The following PAQR3 variants were observed in gnomAD, a reference collection of about 807,000 sequenced individuals.
PAQR3 encodes the protein progestin and adipoQ receptor family member 3.
In PAQR3, 39 loss-of-function variants were observed where a neutral mutation model predicts 41.7. The observed-to-expected ratio is 0.93, with a 90% CI of 0.72 to 1.22. PAQR3 has a LOEUF of 1.22. Ranked by LOEUF, PAQR3 falls within the 50% of genes most tolerant of loss-of-function variation. The pLI is 0.00. For missense variants in PAQR3, 366 were observed against 385.6 expected (o/e 0.95, Z 0.42); for synonymous variants, 140 against 140.6 (o/e 1.00, Z 0.03).
intron 1 of PAQR3, among the ~76,000 whole-genome samples, chr4:78,937,900 T>C (rs1452268892): frequency 1.3e-5 from 2 of 152,200 alleles, no homozygotes; most frequent in Non-Finnish European, 2.9e-5. Context: ...GAACTCCAGA[T>C]CCACAGCAGA....
chr4:78,899,444 A>G (rs1460582477), intron 11 of PAQR3, among the ~76,000 whole-genome samples: 1 of 152,140 alleles, frequency 6.6e-6, no homozygotes, highest in Admixed American at 6.6e-5. Context: ...TTTAGACACA[A>G]AAGAAGACAT....
Position 78,913,195 on chromosome 4 carries a change from A to G in PAQR3, c.*7344T>C, listed in dbSNP as rs572127541. 6.6e-6 allele frequency: 1 copy of G among 152,172 alleles called. No homozygotes were observed. The highest frequency in any genetic ancestry group is 1.5e-5 in the Non-Finnish European group (1 of 68,016). 9.4% of individuals were successfully genotyped at this position (152,172 alleles called of 1,614,324 possible). ...AATGGTGACACCCACAAAGCCTTAT[A>G]TAAAGGCAGGATTCATGCATCCTGC... is the stretch of plus-strand genomic sequence containing the variant. On this transcript the variant is annotated 3_prime_UTR_variant, in exon 6 of 6. Coordinates refer to ENST00000512733, the MANE Select transcript of PAQR3 (RefSeq NM_001040202.2).
intron 11 of PAQR3, among the ~76,000 whole-genome samples, chr4:78,889,446 AATATT>A (rs1283679446): frequency 6.6e-6 from 1 of 152,196 alleles, no homozygotes; most frequent in Admixed American, 6.5e-5. Flanking sequence ...TCAGATCTAA[AATATT>A]AAGTTAAAAA....
chr4:78,890,798 T>C (rs1317962880), intron 11 of PAQR3, among the ~76,000 whole-genome samples: 3 of 152,188 alleles, frequency 2.0e-5, no homozygotes, highest in African/African-American at 7.2e-5. Context: ...CACCAATCTT[T>C]ATGGAAATTC....
At chr4:78,892,071 C>A (rs866001211) in intron 11 of PAQR3, among the ~76,000 whole-genome samples, 3 of 152,114 alleles carry the variant, frequency 2.0e-5, no homozygotes, top group African/African-American at 7.2e-5. Context: ...TCCTTGTAAT[C>A]TGTCAGGCTT....
chr4:78,896,087 T>A (rs1298177662), intron 11 of PAQR3, among the ~76,000 whole-genome samples: 1 of 152,166 alleles, frequency 6.6e-6, no homozygotes, highest in African/African-American at 2.4e-5. Flanking sequence ...AATTGAAACA[T>A]AGGGTGCTTT....
intron 5 of PAQR3, chr4:78,922,267 T>C (rs895103435): frequency 1.1e-5 from 14 of 1,248,814 alleles, no homozygotes; most frequent in Middle Eastern, 2.2e-4. Flanking sequence ...TTTCCATTCT[T>C]ATTTAAAGCT....
At chr4:78,908,853 C>A (rs1734419186), downstream of PAQR3, among the ~76,000 whole-genome samples, 1 of 152,040 alleles carries the variant, frequency 6.6e-6, no homozygotes. Context: ...ATAATCACAT[C>A]AGGGTAAATG....
intron 11 of PAQR3, among the ~76,000 whole-genome samples, chr4:78,894,572 G>T (rs1021308240): frequency 1.3e-5 from 2 of 152,184 alleles, no homozygotes; most frequent in Non-Finnish European, 1.5e-5. Flanking sequence ...TAAGGCTTTG[G>T]CTTACGGGAA....
chr4:78,887,864 G>A (rs548252954), intron 12 of PAQR3, among the ~76,000 whole-genome samples: 2 of 152,098 alleles, frequency 1.3e-5, no homozygotes, highest in African/African-American at 2.4e-5. Flanking sequence ...GGTTATAGTG[G>A]AAAAAAAGAG....
chr4:78,928,505 A>C (rs1246932593), intron 3 of PAQR3, among the ~76,000 whole-genome samples: 4 of 152,246 alleles, frequency 2.6e-5, no homozygotes, highest in Non-Finnish European at 5.9e-5. Context: ...TCTCTTCACT[A>C]ATTTTCATAC....
intron 12 of PAQR3, chr4:78,887,354 A>G (rs1262272918): frequency 9.0e-7 from 1 of 1,113,930 alleles, no homozygotes; most frequent in Non-Finnish European, 1.3e-6. Flanking sequence ...AATCTTATAA[A>G]GTGGAAGTAA....
intron 11 of PAQR3, among the ~76,000 whole-genome samples, chr4:78,895,468 G>T (rs2110085762): frequency 6.6e-6 from 1 of 152,170 alleles, no homozygotes; most frequent in East Asian, 1.9e-4. Flanking sequence ...ATCCCAGAGG[G>T]TTTAGGATAA....
chr4:78,910,093 G>A (rs1203121933), downstream of PAQR3, among the ~76,000 whole-genome samples: 1 of 152,140 alleles, frequency 6.6e-6, no homozygotes, highest in African/African-American at 2.4e-5. Context: ...TTCATGCTAA[G>A]TCAATTCAAA....
Position 78,922,259 on chromosome 4 carries a change from TC to T in PAQR3, c.794-1579del, listed in dbSNP as rs941432055. The T allele has an allele frequency of 4.8e-6, 6 of 1,238,334 alleles. No homozygotes were observed. In the African/African-American group the frequency reaches 9.4e-5, roughly 19 times the overall value. 76.7% of individuals were successfully genotyped at this position (1,238,334 alleles called of 1,614,324 possible). A position where few individuals can be genotyped will look rare whatever the true frequency, so the allele number is the denominator to read the frequency against. ...TACAACGCAGGTTTTCCCTTGTATT[TC>T]CATTCTTATTTAAAGCTCAGTGGTG... is the stretch of plus-strand genomic sequence containing the variant. On this transcript the variant is annotated intron_variant, in intron 5 of 5. Transcript: ENST00000512733.
intron 11 of PAQR3, among the ~76,000 whole-genome samples, chr4:78,902,566 A>G (rs546793672): frequency 6.6e-6 from 1 of 152,258 alleles, no homozygotes; most frequent in South Asian, 2.1e-4. Flanking sequence ...CCCCTCCCGT[A>G]CACCCTCAAT....
At chr4:78,896,519 A>G (rs771553386) in intron 11 of PAQR3, among the ~76,000 whole-genome samples, 1 of 152,140 alleles carries the variant, frequency 6.6e-6, no homozygotes, top group Non-Finnish European at 1.5e-5. Flanking sequence ...GTTTTTAGTG[A>G]TTAATAAGAA....
Position 78,939,423 on chromosome 4 carries a change from C to T in PAQR3, c.-199G>A, listed in dbSNP as rs1434522779. The T allele has an allele frequency of 1.2e-5, 3 of 257,818 alleles. No individual in the cohort carries two copies. Among genetic ancestry groups the T allele is most frequent in the Non-Finnish European group, 2.1e-5 (3 of 144,804 alleles). 16.0% of individuals were successfully genotyped at this position (257,818 alleles called of 1,614,324 possible). ...GCCAGCGCCGCGGCGGACCCGGCAGCGTCGCAGCCTCCTCTGACGTCAGCG... is the reference window on the plus strand; with the variant it reads ...GCCAGCGCCGCGGCGGACCCGGCAGTGTCGCAGCCTCCTCTGACGTCAGCG... On this transcript the variant is annotated 5_prime_UTR_variant, in exon 1 of 6. Coordinates refer to ENST00000512733, the MANE Select transcript of PAQR3 (RefSeq NM_001040202.2).
At chr4:78,927,028 T>A (rs1309739819) in intron 3 of PAQR3, among the ~76,000 whole-genome samples, 1 of 152,156 alleles carries the variant, frequency 6.6e-6, no homozygotes, top group Non-Finnish European at 1.5e-5. Context: ...ACATGGACTC[T>A]CCCAGCAGTC....
Sources: gnomAD v4.1 joint callset for allele counts (sites outside exome capture counted in the v4.1 genomes callset) on GRCh38, gnomAD v4.1.1 for gene constraint, MANE v1.5 for transcripts, NCBI Gene and HGNC (gene_info 2026-07-23, HGNC 2026-07-21) for gene names.